Variants in NTRK3 observed in about 807,000 individuals in gnomAD.
NTRK3 encodes NT-3 growth factor receptor.
In NTRK3, 24 loss-of-function variants were observed where a neutral mutation model predicts 91.7. The ratio of observed to expected loss-of-function variants is 0.26; its 90% CI spans 0.19 to 0.37. The LOEUF is 0.37. Ranked by LOEUF, NTRK3 falls within the 10% of genes least tolerant of loss-of-function variation. NTRK3 has a pLI of 1.00. For missense variants in NTRK3, 880 were observed against 1,068.9 expected (o/e 0.82, Z 2.46); for synonymous variants, 483 against 404.0 (o/e 1.20, Z -2.34).
At chr15:88,019,358 T>C (rs1473734101) in intron 14 of NTRK3, among the ~76,000 whole-genome samples, 1 of 152,226 alleles carries the variant, frequency 6.6e-6, no homozygotes, top group Non-Finnish European at 1.5e-5. Context: ...CTGTCATTTC[T>C]AACAGCCACT....
exon 7 of NTRK3, chr15:88,137,430 A>G (rs2041984263): frequency 6.2e-7 from 1 of 1,613,962 alleles, no homozygotes; most frequent in African/African-American, 1.3e-5. Context: ...CATGCGGAAG[A>G]GAGGAAGCTG....
At chr15:88,242,843 G>A (rs1341617200) in intron 3 of NTRK3, among the ~76,000 whole-genome samples, 1 of 152,240 alleles carries the variant, frequency 6.6e-6, no homozygotes, top group Non-Finnish European at 1.5e-5. Flanking sequence ...TACAGATGCA[G>A]CTCAGCATTC....
chr15:87,946,288 A>C (rs2142070204), intron 14 of NTRK3: 1 of 152,278 alleles, frequency 6.6e-6, no homozygotes, highest in East Asian at 1.9e-4. Flanking sequence ...AAGACATCAA[A>C]AGGCAGAGAC....
chr15:87,884,711 G>A (rs1167679915), intron 17 of NTRK3, among the ~76,000 whole-genome samples: 3 of 151,652 alleles, frequency 2.0e-5, no homozygotes, highest in Non-Finnish European at 4.4e-5. Flanking sequence ...GGAACCTACT[G>A]TTAAATTTAC....
intron 13 of NTRK3, among the ~76,000 whole-genome samples, chr15:88,059,351 A>G (rs2046001837): frequency 6.6e-6 from 1 of 152,152 alleles, no homozygotes; most frequent in South Asian, 2.1e-4. Context: ...ATGATTTTGT[A>G]CCCCAAGCCA....
intron 17 of NTRK3, among the ~76,000 whole-genome samples, chr15:87,894,733 T>G (rs2066023174): frequency 1.3e-5 from 2 of 152,170 alleles, no homozygotes; most frequent in African/African-American, 4.8e-5. Context: ...CAATAGTTCC[T>G]TCCCCACATA....
At chr15:88,187,986 G>A (rs972772228) in intron 3 of NTRK3, among the ~76,000 whole-genome samples, 1 of 151,690 alleles carries the variant, frequency 6.6e-6, no homozygotes, top group Admixed American at 6.6e-5. Context: ...AGGCAGGCCA[G>A]GCACCTAAAC....
chr15:88,044,884 C>A (rs1348811042), intron 13 of NTRK3, among the ~76,000 whole-genome samples: 1 of 152,230 alleles, frequency 6.6e-6, no homozygotes, highest in Non-Finnish European at 1.5e-5. Context: ...TGCTGTAGCA[C>A]CATGCTGAGT....
intron 13 of NTRK3, among the ~76,000 whole-genome samples, chr15:88,047,703 A>G (rs1036373998): frequency 4.6e-5 from 7 of 152,078 alleles, no homozygotes; most frequent in Admixed American, 3.3e-4. Flanking sequence ...CAGTTCAGAG[A>G]TGTCTGGTTC....
chr15:87,926,576 T>C (rs1347641848), intron 17 of NTRK3: 1 of 152,190 alleles, frequency 6.6e-6, no homozygotes, highest in African/African-American at 2.4e-5. Context: ...CTACAGAAAT[T>C]AGATAGATGT....
At chr15:87,986,817 T>C (rs115937624) in intron 14 of NTRK3, among the ~76,000 whole-genome samples, 3,176 of 152,342 alleles carry the variant, frequency 0.021, 108 homozygotes, top group African/African-American at 0.073. Context: ...AAGGACCAGA[T>C]AGAAAATATT....
At chr15:88,008,734 G>A (rs2076665008) in intron 14 of NTRK3, among the ~76,000 whole-genome samples, 1 of 152,130 alleles carries the variant, frequency 6.6e-6, no homozygotes, top group Non-Finnish European at 1.5e-5. Context: ...ATATTAAACA[G>A]ACGCTACAAT....
chr15:87,946,942 C>T (rs557128153), intron 14 of NTRK3, among the ~76,000 whole-genome samples: 32 of 135,394 alleles, frequency 2.4e-4, no homozygotes, highest in East Asian at 6.6e-4. Flanking sequence ...AGTGCAATGG[C>T]GCAATCTGGG....
intron 13 of NTRK3, among the ~76,000 whole-genome samples, chr15:88,034,103 C>T (rs2078855779): frequency 6.6e-6 from 1 of 152,116 alleles, no homozygotes. Context: ...GGGGAGTATC[C>T]TCTATCTTTT....
At chr15:88,130,868 T>A (rs1034551305) in intron 10 of NTRK3, among the ~76,000 whole-genome samples, 1 of 152,062 alleles carries the variant, frequency 6.6e-6, no homozygotes, top group Admixed American at 6.6e-5. Context: ...GTAATTCACA[T>A]CTGTACACTA....
intron 3 of NTRK3, among the ~76,000 whole-genome samples, chr15:88,188,242 G>T (rs61258628): frequency 6.6e-6 from 1 of 152,212 alleles, no homozygotes; most frequent in African/African-American, 2.4e-5. Flanking sequence ...AGAGGGCAAA[G>T]GGGTGGCACA....
At chr15:88,000,181 G>A (rs543084733) in intron 14 of NTRK3, among the ~76,000 whole-genome samples, 1 of 152,194 alleles carries the variant, frequency 6.6e-6, no homozygotes, top group Admixed American at 6.5e-5. Flanking sequence ...TGGACAGGTA[G>A]CTGTATATTC....
intron 5 of NTRK3, among the ~76,000 whole-genome samples, chr15:88,159,260 G>T (rs2044211734): frequency 6.6e-6 from 1 of 152,200 alleles, no homozygotes; most frequent in Non-Finnish European, 1.5e-5. Context: ...AAGCTGCTCT[G>T]GGCCTTTTCA....
chr15:87,890,725 T>C (rs181533856), intron 17 of NTRK3, among the ~76,000 whole-genome samples: 1 of 152,300 alleles, frequency 6.6e-6, no homozygotes, highest in East Asian at 1.9e-4. Context: ...TAAATAGTCT[T>C]CATAGCATCC....
Sources: allele counts gnomAD v4.1 joint callset (sites outside exome capture counted in the v4.1 genomes callset), GRCh38; gene constraint gnomAD v4.1.1; transcripts MANE v1.5; gene names NCBI Gene and HGNC (gene_info 2026-07-23, HGNC 2026-07-21).